ARMH4: variants seen among roughly 807,000 people sequenced by gnomAD.
ARMH4 encodes armadillo-like helical domain-containing protein 4.
Under a neutral mutation model 61.9 loss-of-function variants are expected in ARMH4, and 49 were observed. That is an observed-to-expected ratio of 0.79 (90% CI 0.63 to 1.00). The LOEUF (loss-of-function observed/expected upper bound fraction) is 1.00, where lower values mean the gene tolerates loss of function less well. Ranked by LOEUF, ARMH4 falls within the 50% of genes least tolerant of loss-of-function variation. The pLI, the probability that ARMH4 is intolerant of heterozygous loss-of-function variation, is 0.00. For missense variants in ARMH4, 934 were observed against 930.0 expected, an observed-to-expected ratio of 1.00 and a Z score of -0.06; for synonymous variants, 368 against 341.5, an observed-to-expected ratio of 1.08 and a Z score of -0.85.
intron 5 of ARMH4, among the ~76,000 whole-genome samples, chr14:58,089,400 A>G (rs2141253196): frequency 6.6e-6 from 1 of 152,334 alleles, no homozygotes; most frequent in Non-Finnish European, 1.5e-5. Flanking sequence ...AAGGAGGAAG[A>G]GAAGAGAGTG....
intron 5 of ARMH4, among the ~76,000 whole-genome samples, chr14:58,071,285 C>T (rs370193736): frequency 8.2e-4 from 125 of 151,920 alleles, no homozygotes; most frequent in African/African-American, 2.8e-3. Flanking sequence ...TCAATACATA[C>T]AATTTTTTTG....
intron 4 of ARMH4, among the ~76,000 whole-genome samples, chr14:58,119,724 T>C (rs1475131664): frequency 6.6e-6 from 1 of 152,238 alleles, no homozygotes; most frequent in Non-Finnish European, 1.5e-5. Context: ...TAGATATTTA[T>C]TAGCCTGAGG....
intron 5 of ARMH4, among the ~76,000 whole-genome samples, chr14:58,092,444 G>A (rs1566575980): frequency 6.6e-6 from 1 of 152,176 alleles, no homozygotes; most frequent in East Asian, 1.9e-4. Flanking sequence ...AATACCTATT[G>A]AAATCTGAAT....
At chr14:58,017,127 G>A (rs1882642024) in intron 5 of ARMH4, among the ~76,000 whole-genome samples, 2 of 152,152 alleles carry the variant, frequency 1.3e-5, no homozygotes, top group African/African-American at 4.8e-5. Context: ...ACCAGCCTGG[G>A]CAACATAGCA....
intron 1 of ARMH4, among the ~76,000 whole-genome samples, chr14:58,140,268 T>C (rs1455068722): frequency 5.3e-5 from 5 of 94,640 alleles, no homozygotes; most frequent in African/African-American, 4.7e-5. Flanking sequence ...AGAGCAAAAC[T>C]CCATCTCAAA....
intron 1 of ARMH4, among the ~76,000 whole-genome samples, chr14:58,150,357 T>C (rs1441521933): frequency 6.6e-6 from 1 of 152,300 alleles, no homozygotes; most frequent in African/African-American, 2.4e-5. Flanking sequence ...ATGTGAGAAG[T>C]TTTTTAAGTT....
In ARMH4 at chr14:58,133,298, A is replaced by T. The variant is rs1262464380; in HGVS notation, c.1413T>A (p.Asp471Glu). ...CTTGTGTCACCATGGATAAAGTGGC[A>T]TCTGGCTCTTGAACAGCTGTTGTCA... ...QEMTTAVQEPDATLSMVTQEQ... is the reference protein window; with the variant it reads ...QEMTTAVQEPEATLSMVTQEQ... Residue 471 changes from aspartate (D) to glutamate (E), a missense_variant, in exon 3 of 8, where the codon GAT becomes GAA. Coordinates refer to ENST00000267485, the MANE Select transcript of ARMH4 (RefSeq NM_001001872.4). 6.2e-7 allele frequency: 1 copy of T among 1,614,042 alleles called. No homozygotes were observed.
intron 1 of ARMH4, among the ~76,000 whole-genome samples, chr14:58,146,387 T>C (rs911087501): frequency 6.6e-6 from 1 of 152,262 alleles, no homozygotes; most frequent in Non-Finnish European, 1.5e-5. Flanking sequence ...TATCTCTCCA[T>C]GCAAATTAAT....
intron 2 of ARMH4, 40 bp from the exon 3 acceptor site, chr14:58,133,381 T>G: frequency 1.5e-6 from 2 of 1,376,166 alleles, no homozygotes; most frequent in Non-Finnish European, 9.6e-7. Context: ...ACCAAATCCC[T>G]ATTTTTTTAA....
intron 3 of ARMH4, 147 bp from the exon 4 acceptor site, chr14:58,131,868 A>G (rs1887120880): frequency 6.0e-6 from 4 of 665,610 alleles, no homozygotes; most frequent in African/African-American, 1.8e-5. Context: ...CTCCTTTCCC[A>G]TATTGTATTA....
At chr14:58,057,131 C>T (rs1884371371) in intron 5 of ARMH4, among the ~76,000 whole-genome samples, 1 of 152,188 alleles carries the variant, frequency 6.6e-6, no homozygotes, top group Non-Finnish European at 1.5e-5. Context: ...AAACTTCTCT[C>T]TTCTTTAAGG....
chr14:58,080,572 A>G (rs1483850662), intron 5 of ARMH4, among the ~76,000 whole-genome samples: 1 of 152,104 alleles, frequency 6.6e-6, no homozygotes, highest in Non-Finnish European at 1.5e-5. Context: ...AACAACTAAC[A>G]CTGGGGACTA....
chr14:58,089,617 A>T (rs1005350644), intron 5 of ARMH4, among the ~76,000 whole-genome samples: 7 of 152,224 alleles, frequency 4.6e-5, no homozygotes, highest in African/African-American at 1.7e-4. Flanking sequence ...ATAATAAATG[A>T]TAATGTTTTA....
At chr14:58,145,107 C>T (rs1887694720) in intron 1 of ARMH4, among the ~76,000 whole-genome samples, 1 of 152,184 alleles carries the variant, frequency 6.6e-6, no homozygotes, top group African/African-American at 2.4e-5. Flanking sequence ...TGGCCTAAAA[C>T]CTTGGCCCAC....
At chr14:58,103,537 C>T (rs1456355167) in intron 4 of ARMH4, among the ~76,000 whole-genome samples, 1 of 151,940 alleles carries the variant, frequency 6.6e-6, no homozygotes, top group Non-Finnish European at 1.5e-5. Flanking sequence ...AAAAAAAACC[C>T]TACTTAAAAA....
At position 58,138,095 on chromosome 14, in the gene ARMH4, T is replaced by C; in HGVS notation, c.1264A>G (p.Thr422Ala). ...GCATCGTTTTCCTTGGTGGATTCCG[T>C]GAAGTCTCCCGTACTTTGGAGCAAG... Reference protein sequence around the residue: ...VNLLQSTGDFTESTKENDALF... With the variant: ...VNLLQSTGDFAESTKENDALF... The change falls in exon 2 of 8, where the codon ACG becomes GCG. Residue 422 changes from threonine to alanine, a missense_variant. Transcript: ENST00000267485. The C allele has an allele frequency of 1.2e-6, 2 of 1,614,252 alleles. No homozygotes were observed. Among genetic ancestry groups the C allele is most frequent in the Non-Finnish European group, 1.7e-6 (2 of 1,180,036 alleles).
chr14:58,098,318 A>C (rs2141266252), intron 4 of ARMH4, among the ~76,000 whole-genome samples: 1 of 152,314 alleles, frequency 6.6e-6, no homozygotes, highest in East Asian at 1.9e-4. Context: ...TATTCTAAAA[A>C]TTCAACAAAT....
At chr14:58,128,004 A>G in intron 4 of ARMH4, among the ~76,000 whole-genome samples, 1 of 152,242 alleles carries the variant, frequency 6.6e-6, no homozygotes, top group South Asian at 2.1e-4. Flanking sequence ...TGGAATTGCC[A>G]AAGCAACAAC....
intron 5 of ARMH4, among the ~76,000 whole-genome samples, chr14:58,071,671 A>G (rs564733354): frequency 2.0e-5 from 3 of 152,336 alleles, no homozygotes; most frequent in African/African-American, 4.8e-5. Flanking sequence ...TTCATATATC[A>G]TATGCTAATA....
Sources: gnomAD v4.1 joint callset for allele counts (sites outside exome capture counted in the v4.1 genomes callset) on GRCh38, gnomAD v4.1.1 for gene constraint, MANE v1.5 for transcripts, NCBI Gene and HGNC (gene_info 2026-07-23, HGNC 2026-07-21) for gene names.